Variants in IFT88 observed in about 807,000 individuals in gnomAD.
The protein encoded by IFT88 is intraflagellar transport 88, also known as intraflagellar transport protein 88 homolog.
In IFT88, 74 loss-of-function variants were observed where a neutral mutation model predicts 119.5. The ratio of observed to expected loss-of-function variants is 0.62; its 90% confidence interval spans 0.51 to 0.75. The LOEUF (loss-of-function observed/expected upper bound fraction) is 0.75. Ranked by LOEUF, IFT88 falls within the 30% of genes least tolerant of loss-of-function variation. The probability of loss-of-function intolerance (pLI) is 0.00; values close to 1 mark genes in which losing one functional copy is unlikely to be tolerated. For missense variants in IFT88, 961 were observed against 977.7 expected, an observed-to-expected ratio of 0.98 and a Z score of 0.23; for synonymous variants, 279 against 316.7, an observed-to-expected ratio of 0.88 and a Z score of 1.26.
In IFT88 at chr13:20,671,038, T is replaced by TG; in HGVS notation, c.2242+1dup. 6.2e-7 allele frequency: 1 copy of TG among 1,613,172 alleles called. No individual in the cohort carries two copies. The highest frequency in any genetic ancestry group is 1.1e-5 in the South Asian group (1 of 90,946). Reference sequence around the variant, plus strand: ...GCAAAAGAGAAGGAAGTGCTAGCGGTGGTAAGTATTTTCTCTTTCCCTGAA... The same window carrying TG: ...GCAAAAGAGAAGGAAGTGCTAGCGGTGGGTAAGTATTTTCTCTTTCCCTGAA... On this transcript the variant is annotated frameshift_variant and splice_region_variant, in exon 24 of 26. Transcript: ENST00000351808. LOFTEE classifies it high-confidence loss of function.
chr13:20,576,306 C>T lies in IFT88; in HGVS notation c.90+1831C>T, dbSNP rs147230876. 3.1e-3 allele frequency among the ~76,000 whole-genome samples: 475 copies of T among 152,200 alleles called. 1 individual carries two copies. Among genetic ancestry groups the T allele is most frequent in the African/African-American group, 0.011 (459 of 41,538 alleles). The stretch of plus-strand genomic sequence containing the variant: ...GAGGGATAGTTTATAAATATTTTCT[C>T]CCATTCTGTGGGTTGTCTCTTCACT... On this transcript the variant is annotated intron_variant, in intron 2 of 25. Coordinates refer to ENST00000351808, the MANE Select transcript of IFT88 (RefSeq NM_006531.5).
At chr13:20,641,164 A>T in intron 17 of IFT88, 126 bp from the exon 18 acceptor site, 19 of 595,284 alleles carry the variant, frequency 3.2e-5, no homozygotes, top group Non-Finnish European at 4.8e-5. Flanking sequence ...CAAAAACCTG[A>T]GTTCATCTTC....
intron 24 of IFT88, among the ~76,000 whole-genome samples, chr13:20,680,860 C>G (rs574349386): frequency 1.3e-5 from 2 of 152,178 alleles, no homozygotes; most frequent in Non-Finnish European, 2.9e-5. Context: ...TTTCCCAACT[C>G]GTTGTTATCG....
chr13:20,632,098 CG>C lies in IFT88; in HGVS notation c.1386+997del, dbSNP rs1263521165. ...GGTCAAGGCTGTTGTGAGCCATTAT[CG>C]TGCCATTGTACTCCTGTTTGGTGAC... On this transcript the variant is annotated intron_variant, in intron 16 of 25. Transcript: ENST00000351808. 2.1e-5 allele frequency: 3 copies of C among 145,630 alleles called. No homozygotes were observed. In the Admixed American group the frequency reaches 2.1e-4, roughly 10 times the overall value. The allele number at this position is 145,630 out of a possible 1,614,324, so 9.0% of individuals were successfully genotyped here.
intron 14 of IFT88, among the ~76,000 whole-genome samples, chr13:20,621,126 C>T (rs9509304): frequency 0.027 from 4,175 of 152,134 alleles, 93 homozygotes; most frequent in Non-Finnish European, 0.042. Flanking sequence ...AGTGCAGTGG[C>T]GCAATCTCTG....
At chr13:20,675,158 G>A (rs939836692) in intron 24 of IFT88, among the ~76,000 whole-genome samples, 8 of 152,004 alleles carry the variant, frequency 5.3e-5, no homozygotes, top group African/African-American at 7.2e-5. Context: ...AGGAGTGTAC[G>A]CTCTGAGGAG....
At chr13:20,629,289 G>A (rs978163904) in intron 15 of IFT88, among the ~76,000 whole-genome samples, 5 of 152,242 alleles carry the variant, frequency 3.3e-5, no homozygotes, top group African/African-American at 9.6e-5. Context: ...AGCTATGGAG[G>A]TTGTATAAAG....
intron 3 of IFT88, among the ~76,000 whole-genome samples, chr13:20,584,212 C>T (rs2039230002): frequency 6.6e-6 from 1 of 151,228 alleles, no homozygotes; most frequent in South Asian, 2.1e-4. Context: ...GTATTGAATA[C>T]ACTGGGTGGT....
chr13:20,639,861 TCAC>T (rs2049602176), intron 17 of IFT88, among the ~76,000 whole-genome samples: 1 of 146,324 alleles, frequency 6.8e-6, no homozygotes, highest in South Asian at 2.3e-4. Context: ...TGATCTCAGC[TCAC>T]TGCAACCTCC....
At chr13:20,589,384 T>A (rs903425387) in intron 3 of IFT88, among the ~76,000 whole-genome samples, 1 of 152,200 alleles carries the variant, frequency 6.6e-6, no homozygotes, top group South Asian at 2.1e-4. Flanking sequence ...ATTTAAAAGA[T>A]GAGAAAACTG....
chr13:20,601,883 T>A lies in IFT88; in HGVS notation c.991T>A (p.Leu331Met), dbSNP rs755711708. ...REKMKKAFQKLITVPLEIDED... is the reference protein window; with the variant it reads ...REKMKKAFQKMITVPLEIDED... ...AAAAATGAAGAAGGCATTCCAAAAA[T>A]TGATTACTGTTCCATTAGAAATTGA... The change falls in exon 12 of 26, where the codon TTG becomes ATG. Residue 331 changes from leucine to methionine, a missense_variant. Physicochemically the swap from Leu to Met is conservative, Grantham distance 15. Coordinates refer to ENST00000351808, the MANE Select transcript of IFT88 (RefSeq NM_006531.5). 6 of 1,609,748 alleles carry A rather than the reference T, an allele frequency of 3.7e-6. No individual in the cohort carries two copies. The highest frequency in any genetic ancestry group is 4.3e-6 in the Non-Finnish European group (5 of 1,176,064).
intron 7 of IFT88, among the ~76,000 whole-genome samples, chr13:20,595,037 A>G (rs2041394896): frequency 6.6e-6 from 1 of 152,032 alleles, no homozygotes. Flanking sequence ...TTGAAAGGTA[A>G]CTGATTTGGG....
At chr13:20,605,516 A>AT (rs1346471873) in intron 13 of IFT88, among the ~76,000 whole-genome samples, 5 of 152,194 alleles carry the variant, frequency 3.3e-5, no homozygotes, top group African/African-American at 1.2e-4. Flanking sequence ...ACAAAATTCT[A>AT]TTTATTTCAT....
intron 20 of IFT88, among the ~76,000 whole-genome samples, chr13:20,646,039 A>G (rs1020385915): frequency 6.6e-6 from 1 of 152,230 alleles, no homozygotes; most frequent in African/African-American, 2.4e-5. Flanking sequence ...CCATTAGCTC[A>G]TGCAACACTC....
chr13:20,570,662 T>A (rs1593612298), intron 1 of IFT88, among the ~76,000 whole-genome samples: 1 of 98,390 alleles, frequency 1.0e-5, no homozygotes, highest in African/African-American at 3.4e-5. Context: ...AATTGGCAAA[T>A]CCATAGAGAC....
intron 24 of IFT88, among the ~76,000 whole-genome samples, chr13:20,688,387 C>G: frequency 6.6e-6 from 1 of 152,134 alleles, no homozygotes. Context: ...GGATTTTCAC[C>G]TTGGTTCTAA....
Position 20,596,969 on chromosome 13 carries a change from T to C in IFT88, c.490-46T>C, listed in dbSNP as rs763585855. 4.7e-6 allele frequency: 5 copies of C among 1,067,770 alleles called. No homozygotes were observed. The Admixed American group carries it at 1.3e-4, about 29-fold the overall frequency. The allele number at this position is 1,067,770 out of a possible 1,614,324, so 66.1% of individuals were successfully genotyped here. ...TAGATATTTCTCAAATGCATAAAAG[T>C]TGATGAACACTCAAAGGAAGTTACA... is the stretch of plus-strand genomic sequence containing the variant. On this transcript the variant is annotated intron_variant, in intron 8 of 25. Coordinates refer to ENST00000351808, the MANE Select transcript of IFT88 (RefSeq NM_006531.5).
intron 8 of IFT88, among the ~76,000 whole-genome samples, chr13:20,596,771 C>G (rs956233509): frequency 6.6e-6 from 1 of 152,008 alleles, no homozygotes; most frequent in Admixed American, 6.5e-5. Context: ...TAATGAATAC[C>G]ATTAGAAAGA....
intron 17 of IFT88, 107 bp from the exon 18 acceptor site, chr13:20,641,183 T>C: frequency 1.4e-6 from 1 of 701,798 alleles, no homozygotes; most frequent in Non-Finnish European, 2.3e-6. Context: ...TCATTTTCTC[T>C]TCTGGATAAA....
Sources: gnomAD v4.1 joint callset for allele counts (sites outside exome capture counted in the v4.1 genomes callset) on GRCh38, gnomAD v4.1.1 for gene constraint, MANE v1.5 for transcripts, NCBI Gene and HGNC (gene_info 2026-07-23, HGNC 2026-07-21) for gene names.